The following TTYH2 variants were observed in gnomAD, a reference collection of about 807,000 sequenced individuals.
TTYH2 encodes tweety family member 2.
TTYH2 carries 49 observed loss-of-function variants against 68.3 expected under a neutral mutation model. That is an observed-to-expected ratio of 0.72 (90% CI 0.57 to 0.91). TTYH2 has a LOEUF of 0.91. Ranked by LOEUF, TTYH2 falls within the 40% of genes least tolerant of loss-of-function variation. The pLI, the probability that TTYH2 is intolerant of heterozygous loss-of-function variation, is 0.00. For missense variants in TTYH2, 631 were observed against 700.4 expected (o/e 0.90, Z 1.12); for synonymous variants, 272 against 300.8 (o/e 0.90, Z 0.99).
In TTYH2 at chr17:74,248,706, G is replaced by C. The variant is rs935744283; in HGVS notation, c.805-305G>C. The C allele has an allele frequency of 2.3e-6, 3 of 1,283,554 alleles. No individual in the cohort carries two copies. The African/African-American group carries it at 4.5e-5, about 19-fold the overall frequency. 79.5% of individuals were successfully genotyped at this position (1,283,554 alleles called of 1,614,324 possible). A position where few individuals can be genotyped will look rare whatever the true frequency, so the allele number is the denominator to read the frequency against. On this transcript the variant is annotated intron_variant, in intron 6 of 13. Transcript: ENST00000269346. ...CCAGAAGAGGCATTCGGGAATAAGAGTAACAGCATGCGCTCTGCCCCAGTC... is the reference window on the plus strand; with the variant it reads ...CCAGAAGAGGCATTCGGGAATAAGACTAACAGCATGCGCTCTGCCCCAGTC...
In TTYH2 at chr17:74,215,524, C is replaced by T; in HGVS notation, c.129+1808C>T. The T allele has an allele frequency of 2.8e-6, 3 of 1,073,396 alleles. No homozygotes were observed. Among genetic ancestry groups the T allele is most frequent in the South Asian group, 1.5e-5 (1 of 65,330 alleles). The allele number at this position is 1,073,396 out of a possible 1,614,324, so 66.5% of individuals were successfully genotyped here. A position where few individuals can be genotyped will look rare whatever the true frequency, so the allele number is the denominator to read the frequency against. On this transcript the variant is annotated intron_variant, in intron 1 of 13. Transcript: ENST00000269346. This position sits in a 1 kb window ranked among gnomAD's most constrained non-coding sequence, Gnocchi z 4.3. ...CCCCGGCTCACTTTGTGCTGGGCAT[C>T]AAATGGTTCCAGAGGGTGTCCCTTC...
chr17:74,230,723 C>T (rs1446491074), intron 2 of TTYH2, among the ~76,000 whole-genome samples, 165 bp from the exon 3 acceptor site: 1 of 151,870 alleles, frequency 6.6e-6, no homozygotes, highest in African/African-American at 2.4e-5. Context: ...TCACTGCAAC[C>T]TCCACCTCCT....
chr17:74,244,876 GTGTGTGTT>G (rs1364171586), intron 6 of TTYH2, among the ~76,000 whole-genome samples: 3 of 141,430 alleles, frequency 2.1e-5, no homozygotes, highest in Non-Finnish European at 4.7e-5. Flanking sequence ...GTGTGTGTGT[GTGTGTGTT>G]TGTGTGTGTG....
intron 13 of TTYH2, among the ~76,000 whole-genome samples, chr17:74,258,771 C>T (rs983858027): frequency 1.3e-5 from 2 of 152,046 alleles, no homozygotes; most frequent in Admixed American, 1.3e-4. Context: ...AGTGGCAGCC[C>T]AGTGCCCAGT....
chr17:74,254,761 G>A (rs779057876), intron 13 of TTYH2, among the ~76,000 whole-genome samples: 2 of 152,198 alleles, frequency 1.3e-5, no homozygotes, highest in Admixed American at 6.5e-5. Context: ...AAGAGAGGGG[G>A]TCTCTTTCCC....
intron 13 of TTYH2, among the ~76,000 whole-genome samples, chr17:74,254,065 C>A (rs113463044): frequency 6.6e-6 from 1 of 152,248 alleles, no homozygotes; most frequent in Non-Finnish European, 1.5e-5. Flanking sequence ...CAGCCCACTG[C>A]ATACCTGTCA....
At position 74,213,949 on chromosome 17, in the gene TTYH2, C is replaced by G. The variant is rs568855222; in HGVS notation, c.129+233C>G. On this transcript the variant is annotated intron_variant, in intron 1 of 13. Transcript: ENST00000269346. This position sits in a 1 kb window ranked among gnomAD's most constrained non-coding sequence, Gnocchi z 6.1. Reference sequence around the variant, plus strand: ...GAAAACTGAAGAGATCAGAGTGAAGCGAGCGTGGGGAAGGGGAGGAAGGGC... The same window carrying G: ...GAAAACTGAAGAGATCAGAGTGAAGGGAGCGTGGGGAAGGGGAGGAAGGGC... Among the ~76,000 whole-genome samples, 1 of 152,048 alleles carries G rather than the reference C, an allele frequency of 6.6e-6. No individual in the cohort carries two copies. The highest frequency in any genetic ancestry group is 2.0e-4 in the East Asian group (1 of 5,120).
At chr17:74,234,054 G>A (rs965641947) in intron 3 of TTYH2, among the ~76,000 whole-genome samples, 2 of 152,178 alleles carry the variant, frequency 1.3e-5, no homozygotes, top group Non-Finnish European at 2.9e-5. Context: ...CTGAGCGCTG[G>A]AGAGTCCTCC....
chr17:74,254,917 GTC>G (rs1202940188), intron 13 of TTYH2, among the ~76,000 whole-genome samples: 9 of 152,156 alleles, frequency 5.9e-5, no homozygotes, highest in African/African-American at 2.2e-4. Context: ...TCCTCAATCC[GTC>G]TCAGCTCCCC....
intron 2 of TTYH2, among the ~76,000 whole-genome samples, chr17:74,224,578 A>G (rs566612827): frequency 1.3e-5 from 2 of 152,228 alleles, no homozygotes. Flanking sequence ...TCCATCCCAC[A>G]ACATTCTGGG....
intron 1 of TTYH2, among the ~76,000 whole-genome samples, chr17:74,218,684 G>A (rs1313482807): frequency 2.0e-5 from 3 of 152,210 alleles, no homozygotes; most frequent in Admixed American, 6.5e-5. Flanking sequence ...GGGGGAGACC[G>A]GGAGGCTGGA....
intron 13 of TTYH2, among the ~76,000 whole-genome samples, chr17:74,257,665 C>G (rs767967465): frequency 3.9e-5 from 6 of 152,198 alleles, no homozygotes; most frequent in African/African-American, 1.2e-4. Context: ...GCTCTGCCTT[C>G]AAGGAATAAT....
chr17:74,254,158 A>T (rs1025009372), intron 13 of TTYH2, among the ~76,000 whole-genome samples: 1 of 150,774 alleles, frequency 6.6e-6, no homozygotes, highest in Non-Finnish European at 1.5e-5. Context: ...ATCCTGGTTA[A>T]GTAATTGCCT....
chr17:74,228,673 G>T (rs1292458238), intron 2 of TTYH2, among the ~76,000 whole-genome samples: 1 of 152,124 alleles, frequency 6.6e-6, no homozygotes, highest in African/African-American at 2.4e-5. Context: ...GAAATTCAGG[G>T]GCTGTTTGTA....
In TTYH2 at chr17:74,260,002, G is replaced by A. The variant is rs148393475; in HGVS notation, c.1525-127G>A. 6.4e-5 allele frequency: 50 copies of A among 779,706 alleles called. No individual in the cohort carries two copies. The African/African-American group carries it at 7.3e-4, about 11-fold the overall frequency. 48.3% of individuals were successfully genotyped at this position (779,706 alleles called of 1,614,324 possible). On this transcript the variant is annotated intron_variant, in intron 13 of 13. Coordinates refer to ENST00000269346, the MANE Select transcript of TTYH2 (RefSeq NM_032646.6). ...AGGCAGAAGTCTTGATGGATGTGGG[G>A]TGGAGGCACGGCCGGGTTTCCCTCT...
At position 74,222,967 on chromosome 17, in the gene TTYH2, G is replaced by T. The variant is rs1041460902; in HGVS notation, c.302+310G>T. On this transcript the variant is annotated intron_variant, in intron 2 of 13. Coordinates refer to ENST00000269346, the MANE Select transcript of TTYH2 (RefSeq NM_032646.6). The surrounding 1 kb of genome is among the most constrained non-coding windows in gnomAD (Gnocchi z 5.2). ...TGGGCATCTCCAGTCTCTGTCCCTG[G>T]CCCCTGCCAGCTGCTGCCCTGGGTC... 1.2e-4 allele frequency among the ~76,000 whole-genome samples: 18 copies of T among 152,222 alleles called. No individual in the cohort carries two copies. The highest frequency in any genetic ancestry group is 4.1e-4 in the African/African-American group (17 of 41,526).
Position 74,241,229 on chromosome 17 carries a change from T to A in TTYH2, c.636-2145T>A, listed in dbSNP as rs2050496205. Reference sequence around the variant, plus strand: ...TGAGTCCAGGAGTTTGAGACCAGCCTGGACAACATAGACAGACCCGGTATT... The same window carrying A: ...TGAGTCCAGGAGTTTGAGACCAGCCAGGACAACATAGACAGACCCGGTATT... On this transcript the variant is annotated intron_variant, in intron 4 of 13. Coordinates refer to ENST00000269346, the MANE Select transcript of TTYH2 (RefSeq NM_032646.6). This position sits in a 1 kb window ranked among gnomAD's most constrained non-coding sequence, Gnocchi z 4.1. Among the ~76,000 whole-genome samples, 1 of 151,736 alleles carries A rather than the reference T, an allele frequency of 6.6e-6. No individual in the cohort carries two copies. The highest frequency in any genetic ancestry group is 2.4e-5 in the African/African-American group (1 of 41,228).
chr17:74,241,894 C>T lies in TTYH2; in HGVS notation c.636-1480C>T, dbSNP rs2050504970. ...GGCCTTGTGAGGACCACCTTGGGGA[C>T]CTGTGTGGAAGGGAAAGGAACGAGG... On this transcript the variant is annotated intron_variant, in intron 4 of 13. Transcript: ENST00000269346. The surrounding 1 kb of genome is among the most constrained non-coding windows in gnomAD (Gnocchi z 4.1). Among the ~76,000 whole-genome samples, 1 of 152,170 alleles carries T rather than the reference C, an allele frequency of 6.6e-6. No individual in the cohort carries two copies. Among genetic ancestry groups the T allele is most frequent in the Non-Finnish European group, 1.5e-5 (1 of 68,028 alleles).
At chr17:74,245,102 G>A (rs1165338193) in intron 6 of TTYH2, among the ~76,000 whole-genome samples, 2 of 152,154 alleles carry the variant, frequency 1.3e-5, no homozygotes, top group African/African-American at 4.8e-5. Flanking sequence ...TTGGGGGCTG[G>A]CCACTAGCTC....
Sources: gnomAD v4.1 joint callset for allele counts (sites outside exome capture counted in the v4.1 genomes callset) on GRCh38, gnomAD v4.1.1 for gene constraint, Gnocchi (gnomAD v3.1) non-coding constraint, MANE v1.5 for transcripts, NCBI Gene and HGNC (gene_info 2026-07-23, HGNC 2026-07-21) for gene names.